The following ZFHX2 variants were observed in gnomAD, a reference collection of about 807,000 sequenced individuals.
The protein encoded by ZFHX2 is zinc finger homeobox protein 2.
A neutral mutation model predicts 164.8 loss-of-function variants in ZFHX2; 75 were observed. The observed-to-expected ratio is 0.46, with a 90% CI of 0.38 to 0.55. The LOEUF is 0.55. Ranked by LOEUF, ZFHX2 falls within the 20% of genes least tolerant of loss-of-function variation. The pLI, the probability that ZFHX2 is intolerant of heterozygous loss-of-function variation, is 0.00. For missense variants in ZFHX2, 2,933 were observed against 3,308.0 expected, an observed-to-expected ratio of 0.89 and a Z score of 2.78; for synonymous variants, 1,217 against 1,351.4, an observed-to-expected ratio of 0.90 and a Z score of 2.18.
At position 23,521,404 on chromosome 14, in the gene ZFHX2, G is replaced by C. The variant is rs1165225036; in HGVS notation, c.*558C>G. 1.3e-5 allele frequency: 2 copies of C among 152,634 alleles called. No individual in the cohort carries two copies. The highest frequency in any genetic ancestry group is 2.9e-5 in the Non-Finnish European group (2 of 68,346). 9.5% of individuals were successfully genotyped at this position (152,634 alleles called of 1,614,324 possible). On this transcript the variant is annotated 3_prime_UTR_variant, in exon 10 of 10. Transcript: ENST00000419474. Reference sequence around the variant, plus strand: ...TTGGAAAGAGTTTGTGAGCGGTGTGGTGCTCTAGACAAAGGGTTAGGAAGG... The same window carrying C: ...TTGGAAAGAGTTTGTGAGCGGTGTGCTGCTCTAGACAAAGGGTTAGGAAGG...
chr14:23,535,670 G>A lies in ZFHX2; in HGVS notation c.-49-296C>T, dbSNP rs977383710. On this transcript the variant is annotated intron_variant, in intron 1 of 9. Coordinates refer to ENST00000419474, the MANE Select transcript of ZFHX2 (RefSeq NM_033400.3). The surrounding 1 kb of genome is among the most constrained non-coding windows in gnomAD (Gnocchi z 4.5). ...TGCAATGGCGTGATCTCGGCTCACC[G>A]CAACCTCCACCTCCTGGGTTCAAGT... Among the ~76,000 whole-genome samples, 1 of 151,802 alleles carries A rather than the reference G, an allele frequency of 6.6e-6. No individual in the cohort carries two copies. The highest frequency in any genetic ancestry group is 1.9e-4 in the East Asian group (1 of 5,174).
chr14:23,523,258 T>C lies in ZFHX2; in HGVS notation c.6684A>G (p.Leu2228=). Residue 2228 remains leucine (L), a synonymous_variant, in exon 9 of 10, where the codon TTA becomes TTG. Transcript: ENST00000419474. This position sits in a 1 kb window ranked among gnomAD's most constrained non-coding sequence, Gnocchi z 4.1. ...GGGGCTGAGCCAGAGCTGGGCCAGA[T>C]AAGAGGACCGGCGCCAGGCGAGGCA... ...PTLPRLAPVL[L]SGPALAQPPL... is the part of the protein sequence containing the mutation. 1 of 1,436,088 alleles carries C rather than the reference T, an allele frequency of 7.0e-7. No homozygotes were observed. The highest frequency in any genetic ancestry group is 9.1e-7 in the Non-Finnish European group (1 of 1,099,152). 89.0% of individuals were successfully genotyped at this position (1,436,088 alleles called of 1,614,324 possible). A position where few individuals can be genotyped will look rare whatever the true frequency, so the allele number is the denominator to read the frequency against.
Position 23,533,912 on chromosome 14 carries a change from T to G in ZFHX2, c.1414A>C (p.Met472Leu), listed in dbSNP as rs749160084. The G allele has an allele frequency of 1.7e-5, 26 of 1,537,932 alleles. No individual in the cohort carries two copies. Among genetic ancestry groups the G allele is most frequent in the Non-Finnish European group, 2.2e-5 (25 of 1,147,150 alleles). ...YKYQQTLDVHMREKHPESNSH... is the reference protein window; with the variant it reads ...YKYQQTLDVHLREKHPESNSH... ...TTGCTCTCAGGGTGCTTCTCTCGCA[T>G]GTGCACATCCAGGGTCTGCTGGTAC... is the stretch of plus-strand genomic sequence containing the variant. The change falls in exon 2 of 10, where the codon ATG becomes CTG. Residue 472 changes from methionine (M) to leucine (L), a missense_variant. Coordinates refer to ENST00000419474, the MANE Select transcript of ZFHX2 (RefSeq NM_033400.3). The surrounding 1 kb of genome is among the most constrained non-coding windows in gnomAD (Gnocchi z 4.8).
Position 23,522,364 on chromosome 14 carries a change from G to A in ZFHX2, c.7317C>T (p.Ser2439=). The A allele has an allele frequency of 6.5e-7, 1 of 1,536,112 alleles. No individual in the cohort carries two copies. Among genetic ancestry groups the A allele is most frequent in the Non-Finnish European group, 8.7e-7 (1 of 1,146,848 alleles). Residue 2439 remains serine, a synonymous_variant, in exon 10 of 10, where the codon AGC becomes AGT. Transcript: ENST00000419474. The part of the protein sequence containing the change: ...AGEVDELLTG[S]TGISTVDVTH... ...TTACATCCACGGTGGAGATGCCAGT[G>A]CTGCCTGTCAGCAGCTCATCAACCT...
intron 1 of ZFHX2, among the ~76,000 whole-genome samples, chr14:23,542,529 A>T (rs1272549369): frequency 6.6e-6 from 1 of 152,036 alleles, no homozygotes; most frequent in Non-Finnish European, 1.5e-5. Context: ...GATCTATGTG[A>T]TTTTATAGTA....
chr14:23,554,975 C>T (rs1882243302), upstream of ZFHX2, among the ~76,000 whole-genome samples: 2 of 152,046 alleles, frequency 1.3e-5, no homozygotes, highest in Non-Finnish European at 2.9e-5. Context: ...GGCCAACCCC[C>T]ATGTTTTCCT....
At chr14:23,529,477 A>G (rs1879245742) in intron 6 of ZFHX2, 1 of 533,892 alleles carries the variant, frequency 1.9e-6, no homozygotes, top group African/African-American at 1.9e-5. Flanking sequence ...CTTTCCCTCA[A>G]GTTCCTGCTG....
At chr14:23,553,790 A>G (rs1882144956), upstream of ZFHX2, among the ~76,000 whole-genome samples, 1 of 152,164 alleles carries the variant, frequency 6.6e-6, no homozygotes. Flanking sequence ...TCTACTTGGG[A>G]GGCTGAGGCA....
intron 5 of ZFHX2, 83 bp from the exon 6 acceptor site, chr14:23,529,851 T>C: frequency 7.2e-7 from 1 of 1,393,860 alleles, no homozygotes; most frequent in Non-Finnish European, 9.8e-7. Flanking sequence ...GGTAGGGAGT[T>C]GGGCACTAGA....
chr14:23,525,881 G>A lies in ZFHX2; in HGVS notation c.4061C>T (p.Ser1354Leu). ...VLPPFPLVPE[S>L]LLKLQQQQLL... ...CTGCTGCTGCTGGAGCTTAAGCAGTGATTCGGGCACCAGAGGGAAGGGGGG... is the reference window on the plus strand; with the variant it reads ...CTGCTGCTGCTGGAGCTTAAGCAGTAATTCGGGCACCAGAGGGAAGGGGGG... The change falls in exon 9 of 10, where the codon TCA becomes TTA. Residue 1354 changes from serine to leucine, a missense_variant. Ser to Leu is a moderately radical substitution (Grantham distance 145). Coordinates refer to ENST00000419474, the MANE Select transcript of ZFHX2 (RefSeq NM_033400.3). This position sits in a 1 kb window ranked among gnomAD's most constrained non-coding sequence, Gnocchi z 5.9. The A allele has an allele frequency of 6.9e-7, 1 of 1,457,692 alleles. No homozygotes were observed. The highest frequency in any genetic ancestry group is 9.0e-7 in the Non-Finnish European group (1 of 1,110,426). The allele number at this position is 1,457,692 out of a possible 1,614,324, so 90.3% of individuals were successfully genotyped here.
intron 4 of ZFHX2, 149 bp from the exon 5 acceptor site, chr14:23,530,343 A>G (rs1442228371): frequency 4.2e-6 from 3 of 712,308 alleles, no homozygotes; most frequent in Non-Finnish European, 7.5e-6. Flanking sequence ...AAAGCCAACA[A>G]AAAGAAACAC....
Position 23,523,345 on chromosome 14 carries a change from T to A in ZFHX2, c.6597A>T (p.Pro2199=). 6.8e-7 allele frequency: 1 copy of A among 1,465,836 alleles called. No individual in the cohort carries two copies. The highest frequency in any genetic ancestry group is 2.5e-5 in the East Asian group (1 of 40,320). The allele number at this position is 1,465,836 out of a possible 1,614,324, so 90.8% of individuals were successfully genotyped here. ...YDLAPAPEAP[P]ALKAPPATTP... is the part of the protein sequence containing the mutation. Reference sequence around the variant, plus strand: ...TGGTGGCAGGTGGGGCCTTGAGAGCTGGGGGAGCCTCAGGTGCTGGGGCCA... The same window carrying A: ...TGGTGGCAGGTGGGGCCTTGAGAGCAGGGGGAGCCTCAGGTGCTGGGGCCA... The change falls in exon 9 of 10, where the codon CCA becomes CCT. Residue 2199 remains proline (P), a synonymous_variant. Transcript: ENST00000419474. The surrounding 1 kb of genome is among the most constrained non-coding windows in gnomAD (Gnocchi z 4.1).
In ZFHX2 at chr14:23,535,080, A is replaced by G. The variant is rs1202888547; in HGVS notation, c.246T>C (p.Cys82=). 2.0e-6 allele frequency: 3 copies of G among 1,536,188 alleles called. No individual in the cohort carries two copies. The highest frequency in any genetic ancestry group is 2.4e-5 in the South Asian group (2 of 84,058). ...CTGGGTCATTTGGTGGGAAGTGACC[A>G]CAGTCAGGCCCTTCCTGGGGCTCCC... ...EIGEPQEGPD[C]GHFPPNDPGV... is the part of the protein sequence containing the mutation. Residue 82 remains cysteine (C), a synonymous_variant, in exon 2 of 10, where the codon TGT becomes TGC. Transcript: ENST00000419474. The surrounding 1 kb of genome is among the most constrained non-coding windows in gnomAD (Gnocchi z 4.5).
Position 23,523,603 on chromosome 14 carries a change from G to A in ZFHX2, c.6339C>T (p.Phe2113=), listed in dbSNP as rs1878325894. ...GLPKRVIQVW[F]QNARAKEKKA... ...TCTTTTCCTTGGCACGAGCATTCTG[G>A]AACCAGACCTGGATGACTCTCTTGG... Residue 2113 remains phenylalanine (F), a synonymous_variant, in exon 9 of 10, where the codon TTC becomes TTT. Transcript: ENST00000419474. This position sits in a 1 kb window ranked among gnomAD's most constrained non-coding sequence, Gnocchi z 4.1. The A allele has an allele frequency of 6.4e-7, 1 of 1,555,458 alleles. No individual in the cohort carries two copies. Among genetic ancestry groups the A allele is most frequent in the South Asian group, 1.2e-5 (1 of 85,832 alleles).
rs1216992349 is a variant in ZFHX2, at chr14:23,522,106, T to C, written c.7575A>G (p.Pro2525=). 6.5e-7 allele frequency: 1 copy of C among 1,534,750 alleles called. No homozygotes were observed. The highest frequency in any genetic ancestry group is 8.7e-7 in the Non-Finnish European group (1 of 1,146,170). ...TGGAGATGGGTGGGCCCCCTTGAGG[T>C]GGGGCTGCCTTGCGCCTGTGGGCCG... ...RSSAHRRKAA[P]PQGGPPISIT... Residue 2525 remains proline (P), a synonymous_variant, in exon 10 of 10, where the codon CCA becomes CCG. Transcript: ENST00000419474.
At chr14:23,537,849 G>A (rs1310831950) in intron 1 of ZFHX2, among the ~76,000 whole-genome samples, 4 of 152,178 alleles carry the variant, frequency 2.6e-5, no homozygotes, top group Non-Finnish European at 4.4e-5. Flanking sequence ...GGGCCACACC[G>A]CCCTTCCACT....
chr14:23,522,285 C>A lies in ZFHX2; in HGVS notation c.7396G>T (p.Ala2466Ser). 6.7e-7 allele frequency: 1 copy of A among 1,502,492 alleles called. No homozygotes were observed. Among genetic ancestry groups the A allele is most frequent in the Non-Finnish European group, 8.9e-7 (1 of 1,127,566 alleles). The allele number at this position is 1,502,492 out of a possible 1,614,324, so 93.1% of individuals were successfully genotyped here. A position where few individuals can be genotyped will look rare whatever the true frequency, so the allele number is the denominator to read the frequency against. The change falls in exon 10 of 10, where the codon GCT becomes TCT. Residue 2466 changes from alanine to serine, a missense_variant. Coordinates refer to ENST00000419474, the MANE Select transcript of ZFHX2 (RefSeq NM_033400.3). Reference protein sequence around the residue: ...CKMAFDGEAPATAHQRSFCFF... With the variant: ...CKMAFDGEAPSTAHQRSFCFF... ...CAGAAGGATCTCTGGTGGGCAGTAG[C>A]CGGGGCCTCCCCGTCAAATGCCATC... is the stretch of plus-strand genomic sequence containing the variant.
chr14:23,531,885 T>C, intron 3 of ZFHX2, 164 bp from the exon 4 acceptor site: 1 of 956,770 alleles, frequency 1.0e-6, no homozygotes, highest in East Asian at 3.3e-5. Flanking sequence ...TCAGTGATTC[T>C]CATGCCTCAG....
chr14:23,525,206 T>C lies in ZFHX2; in HGVS notation c.4736A>G (p.Glu1579Gly). The C allele has an allele frequency of 1.3e-6, 2 of 1,536,126 alleles. No homozygotes were observed. The highest frequency in any genetic ancestry group is 1.7e-6 in the Non-Finnish European group (2 of 1,146,904). ...AAGATTCCCTCTGGAGCTTTCTTCCTCTTCTATGGGCCAGTGTCCCCCTGC... is the reference window on the plus strand; with the variant it reads ...AAGATTCCCTCTGGAGCTTTCTTCCCCTTCTATGGGCCAGTGTCCCCCTGC... ...SRAGGHWPIE[E>G]EESSRGNLPP... The change falls in exon 9 of 10, where the codon GAG (glutamate) becomes GGG (glycine). Residue 1579 changes from glutamate to glycine, a missense_variant. Glu to Gly is a moderately conservative substitution (Grantham distance 98). Coordinates refer to ENST00000419474, the MANE Select transcript of ZFHX2 (RefSeq NM_033400.3). The surrounding 1 kb of genome is among the most constrained non-coding windows in gnomAD (Gnocchi z 5.9).
Sources: allele counts gnomAD v4.1 joint callset (sites outside exome capture counted in the v4.1 genomes callset), GRCh38; gene constraint gnomAD v4.1.1; non-coding constraint Gnocchi (gnomAD v3.1); transcripts MANE v1.5; gene names NCBI Gene and HGNC (gene_info 2026-07-23, HGNC 2026-07-21).